CFAP20DC: variants seen among roughly 807,000 people sequenced by gnomAD.
The protein encoded by CFAP20DC is protein CFAP20DC.
Under a neutral mutation model 101.7 loss-of-function variants are expected in CFAP20DC, and 84 were observed. The ratio of observed to expected loss-of-function variants is 0.83; its 90% CI spans 0.69 to 0.99. CFAP20DC has a LOEUF of 0.99. Ranked by LOEUF, CFAP20DC falls within the 50% of genes least tolerant of loss-of-function variation. The pLI is 0.00. For synonymous variants in CFAP20DC, 359 were observed against 351.2 expected, an observed-to-expected ratio of 1.02 and a Z score of -0.25; for missense variants, 1,007 against 970.3, an observed-to-expected ratio of 1.04 and a Z score of -0.50.
intron 15 of CFAP20DC, among the ~76,000 whole-genome samples, chr3:58,774,664 T>A (rs766314566): frequency 2.0e-5 from 3 of 152,252 alleles, no homozygotes; most frequent in Admixed American, 6.5e-5. Flanking sequence ...AATGTCCTTA[T>A]TAGATTTTTA....
At position 59,004,292 on chromosome 3, in the gene CFAP20DC, G is replaced by C. The variant is rs188103519; in HGVS notation, c.278+35265C>G. 2.8e-3 allele frequency among the ~76,000 whole-genome samples: 424 copies of C among 152,190 alleles called. 1 individual carries two copies. The highest frequency in any genetic ancestry group is 4.5e-3 in the Non-Finnish European group (304 of 68,014). On this transcript the variant is annotated intron_variant, in intron 4 of 16. Coordinates refer to ENST00000482387, the MANE Select transcript of CFAP20DC (RefSeq NM_001394063.1). ...CATGCATCTGAGGCACAGGAAGAAG[G>C]CTCTTCCTGCTTCTTGGAGGAAGCA...
At chr3:58,749,734 T>G (rs957412607) in intron 16 of CFAP20DC, among the ~76,000 whole-genome samples, 8 of 152,200 alleles carry the variant, frequency 5.3e-5, no homozygotes, top group African/African-American at 1.9e-4. Context: ...TTGGAGCTGG[T>G]AAGCATGAAT....
intron 16 of CFAP20DC, among the ~76,000 whole-genome samples, chr3:58,750,760 C>T (rs910958932): frequency 6.6e-6 from 1 of 152,192 alleles, no homozygotes; most frequent in Non-Finnish European, 1.5e-5. Context: ...AGATCCTAAC[C>T]CCCACTTTAG....
At chr3:59,030,778 T>C (rs575614405) in intron 4 of CFAP20DC, among the ~76,000 whole-genome samples, 2 of 152,332 alleles carry the variant, frequency 1.3e-5, no homozygotes, top group East Asian at 1.9e-4. Context: ...AAGATATTCA[T>C]TGATTTCTCA....
intron 4 of CFAP20DC, among the ~76,000 whole-genome samples, chr3:59,009,436 G>A (rs1342613451): frequency 6.6e-6 from 1 of 151,922 alleles, no homozygotes; most frequent in Non-Finnish European, 1.5e-5. Flanking sequence ...TACAGGATAT[G>A]AATGAAAAAC....
chr3:58,878,737 CG>C (rs1192042385), intron 7 of CFAP20DC, among the ~76,000 whole-genome samples: 1 of 152,074 alleles, frequency 6.6e-6, no homozygotes, highest in East Asian at 1.9e-4. Flanking sequence ...CTGTGCTGGG[CG>C]GGGTGGCTCA....
intron 13 of CFAP20DC, among the ~76,000 whole-genome samples, chr3:58,839,345 T>C (rs938576194): frequency 2.0e-5 from 3 of 152,190 alleles, no homozygotes; most frequent in African/African-American, 7.2e-5. Context: ...GGAGCCTTTC[T>C]GCTTCCTGTC....
At chr3:58,929,157 TATCTC>T (rs1236557975) in intron 5 of CFAP20DC, among the ~76,000 whole-genome samples, 1 of 152,248 alleles carries the variant, frequency 6.6e-6, no homozygotes, top group Non-Finnish European at 1.5e-5. Context: ...GTTCACTTCC[TATCTC>T]ATCAAGATAC....
In CFAP20DC at chr3:58,993,837, G is replaced by T. The variant is rs569245351; in HGVS notation, c.278+45720C>A. On this transcript the variant is annotated intron_variant, in intron 4 of 16. Coordinates refer to ENST00000482387, the MANE Select transcript of CFAP20DC (RefSeq NM_001394063.1). ...TTTCTTTATCCAGTCTATCAATGAT[G>T]GGCATTTGGGCTGATTCCATGTCTT... Among the ~76,000 whole-genome samples, 77 of 152,252 alleles carry T rather than the reference G, an allele frequency of 5.1e-4. 1 individual carries two copies. The highest frequency in any genetic ancestry group is 1.8e-3 in the African/African-American group (76 of 41,554).
intron 4 of CFAP20DC, among the ~76,000 whole-genome samples, chr3:59,031,731 A>G (rs746282878): frequency 3.0e-4 from 45 of 152,228 alleles, no homozygotes; most frequent in Non-Finnish European, 6.2e-4. Context: ...GCTAAAATTC[A>G]TATGTTAACA....
At chr3:59,039,225 C>A (rs753071508) in intron 4 of CFAP20DC, among the ~76,000 whole-genome samples, 2 of 151,972 alleles carry the variant, frequency 1.3e-5, no homozygotes, top group Non-Finnish European at 2.9e-5. Flanking sequence ...GCAGACCGTA[C>A]AAAACATAAC....
At chr3:58,924,284 T>C (rs924831149) in intron 5 of CFAP20DC, among the ~76,000 whole-genome samples, 1 of 152,168 alleles carries the variant, frequency 6.6e-6, no homozygotes, top group Non-Finnish European at 1.5e-5. Flanking sequence ...TCTCCATATG[T>C]ACATGTGTAT....
intron 16 of CFAP20DC, among the ~76,000 whole-genome samples, chr3:58,751,054 C>T (rs898085328): frequency 5.3e-5 from 8 of 152,022 alleles, no homozygotes; most frequent in East Asian, 2.0e-4. Flanking sequence ...AAAAAAAGGA[C>T]GAGTTAAAGA....
Position 58,861,843 on chromosome 3 carries a change from C to A in CFAP20DC, c.1593+1715G>T. On this transcript the variant is annotated intron_variant, in intron 12 of 16. Coordinates refer to ENST00000482387, the MANE Select transcript of CFAP20DC (RefSeq NM_001394063.1). This position sits in a 1 kb window ranked among gnomAD's most constrained non-coding sequence, Gnocchi z 4.0. ...GCATGGCACAGGGGTGACCAGATAG[C>A]CCTGCCAGTGAAAGCTTGGGTAATG... 1.0e-6 allele frequency: 1 copy of A among 985,344 alleles called. No homozygotes were observed. The highest frequency in any genetic ancestry group is 1.2e-6 in the Non-Finnish European group (1 of 829,912). The allele number at this position is 985,344 out of a possible 1,614,324, so 61.0% of individuals were successfully genotyped here.
chr3:58,871,082 G>A (rs972901769), intron 7 of CFAP20DC, among the ~76,000 whole-genome samples: 5 of 151,990 alleles, frequency 3.3e-5, no homozygotes, highest in Admixed American at 6.6e-5. Context: ...ATGGAGAGGC[G>A]GATAAGACCA....
intron 6 of CFAP20DC, among the ~76,000 whole-genome samples, chr3:58,887,744 C>G (rs1322298810): frequency 3.9e-5 from 6 of 152,176 alleles, no homozygotes; most frequent in Non-Finnish European, 5.9e-5. Context: ...TATCTACTCC[C>G]CCTTTGCACC....
chr3:59,011,610 T>C (rs1425211625), intron 4 of CFAP20DC, among the ~76,000 whole-genome samples: 1 of 151,018 alleles, frequency 6.6e-6, no homozygotes, highest in Admixed American at 6.6e-5. Context: ...ATAACAAAGA[T>C]CAGAGCAGAA....
chr3:58,730,920 C>T (rs937205984), intron 3 of CFAP20DC, among the ~76,000 whole-genome samples: 3 of 152,082 alleles, frequency 2.0e-5, no homozygotes, highest in African/African-American at 7.3e-5. Flanking sequence ...GTGTCTAACT[C>T]TGCTTGGAGA....
chr3:58,927,647 G>A (rs941844040), intron 5 of CFAP20DC, among the ~76,000 whole-genome samples: 45 of 152,310 alleles, frequency 3.0e-4, no homozygotes, highest in African/African-American at 1.1e-3. Context: ...AATGCTTTTA[G>A]AATGCTGTTT....
Sources: gnomAD v4.1 joint callset for allele counts (sites outside exome capture counted in the v4.1 genomes callset) on GRCh38, gnomAD v4.1.1 for gene constraint, Gnocchi (gnomAD v3.1) non-coding constraint, MANE v1.5 for transcripts, NCBI Gene and HGNC (gene_info 2026-07-23, HGNC 2026-07-21) for gene names.